TASP1: variants seen among roughly 807,000 people sequenced by gnomAD.
TASP1 encodes the protein threonine aspartase 1.
In TASP1, 16 loss-of-function variants were observed where a neutral mutation model predicts 56.6. The observed-to-expected ratio is 0.28, with a 90% CI of 0.19 to 0.43. TASP1 has a LOEUF of 0.43. TASP1 is among the 20% of genes least tolerant of loss of function. The probability of loss-of-function intolerance (pLI) is 1.00; values close to 1 mark genes in which losing one functional copy is unlikely to be tolerated. For missense variants in TASP1, 393 were observed against 511.6 expected (o/e 0.77, Z 2.24); for synonymous variants, 179 against 184.2 (o/e 0.97, Z 0.23).
At chr20:13,335,512 T>TC in the TASP1 span, among the ~76,000 whole-genome samples, 1 of 152,134 alleles carries the variant, frequency 6.6e-6, no homozygotes, top group African/African-American at 2.4e-5. Flanking sequence ...CATAGTGTCT[T>TC]ACTCTTGAAT....
At chr20:13,557,751 T>G (rs1417273444) in intron 8 of TASP1, among the ~76,000 whole-genome samples, 1 of 151,628 alleles carries the variant, frequency 6.6e-6, no homozygotes, top group African/African-American at 2.4e-5. Flanking sequence ...CAGCTAAATT[T>G]TTGTACAGAT....
At chr20:13,183,751 C>T in the TASP1 span, among the ~76,000 whole-genome samples, 3,129 of 152,108 alleles carry the variant, frequency 0.021, 55 homozygotes, top group Non-Finnish European at 0.03. Context: ...AATAGTGGAC[C>T]GGGCGTGGTG....
rs2045074575 is a variant in TASP1, at chr20:13,528,341, A to G, written c.874+92T>C. 4.6e-6 allele frequency: 5 copies of G among 1,093,118 alleles called. No individual in the cohort carries two copies. The Admixed American group carries it at 8.9e-5, about 19-fold the overall frequency. 67.7% of individuals were successfully genotyped at this position (1,093,118 alleles called of 1,614,324 possible). A position where few individuals can be genotyped will look rare whatever the true frequency, so the allele number is the denominator to read the frequency against. On this transcript the variant is annotated intron_variant, in intron 10 of 13. Coordinates refer to ENST00000337743, the MANE Select transcript of TASP1 (RefSeq NM_017714.3). ...CCACATCCATACACTGTCATAGCAC[A>G]TGTTCTATGTTTACCCACAAATATT...
the TASP1 span, chr20:13,299,444 G>T: frequency 6.2e-7 from 1 of 1,601,038 alleles, no homozygotes; most frequent in Non-Finnish European, 8.5e-7. The surrounding 1 kb of genome is among the most constrained non-coding windows in gnomAD (Gnocchi z 5.8). Flanking sequence ...AGTTCCAAGA[G>T]GCCAGGGAAT....
At chr20:13,124,906 G>A in the TASP1 span, among the ~76,000 whole-genome samples, 1 of 152,142 alleles carries the variant, frequency 6.6e-6, no homozygotes, top group Admixed American at 6.5e-5. Context: ...ATTCCCAAGA[G>A]CTCTTTCCAA....
intron 5 of TASP1, among the ~76,000 whole-genome samples, chr20:13,586,174 C>CAAAA (rs35005769): frequency 1.9e-5 from 1 of 53,200 alleles, no homozygotes; most frequent in Non-Finnish European, 3.7e-5. Context: ...GACTCCATCT[C>CAAAA]AAAAAAAAAA....
chr20:13,361,037 G>C, the TASP1 span, among the ~76,000 whole-genome samples: 21 of 151,450 alleles, frequency 1.4e-4, no homozygotes, highest in African/African-American at 4.1e-4. Context: ...CCTTTCCATC[G>C]TGGAAATCTA....
At chr20:13,255,254 G>T in the TASP1 span, among the ~76,000 whole-genome samples, 2 of 152,192 alleles carry the variant, frequency 1.3e-5, no homozygotes, top group Non-Finnish European at 2.9e-5. Flanking sequence ...CTAGGACAGT[G>T]GCAGAGGAAT....
chr20:13,611,139 C>T lies in TASP1; in HGVS notation c.282+12307G>A, dbSNP rs1003575937. ...ACAGCCATAAATATTATCCACAAAA[C>T]AGCAATTTTTCTTATGTTTTCCATT... On this transcript the variant is annotated intron_variant, in intron 4 of 13. Coordinates refer to ENST00000337743, the MANE Select transcript of TASP1 (RefSeq NM_017714.3). 2.0e-5 allele frequency among the ~76,000 whole-genome samples: 3 copies of T among 152,182 alleles called. 1 individual carries two copies. In the South Asian group the frequency reaches 6.2e-4, roughly 31 times the overall value.
At chr20:13,130,237 A>G in the TASP1 span, among the ~76,000 whole-genome samples, 1 of 152,194 alleles carries the variant, frequency 6.6e-6, no homozygotes, top group Non-Finnish European at 1.5e-5. Context: ...TTCTGCAGAG[A>G]TAGACTCACT....
At chr20:13,320,595 A>G in the TASP1 span, among the ~76,000 whole-genome samples, 1 of 152,212 alleles carries the variant, frequency 6.6e-6, no homozygotes, top group Non-Finnish European at 1.5e-5. Context: ...GAGAAAAACA[A>G]AGTAACCATG....
intron 11 of TASP1, among the ~76,000 whole-genome samples, chr20:13,476,070 G>C (rs1048962814): frequency 6.6e-6 from 1 of 152,128 alleles, no homozygotes; most frequent in Non-Finnish European, 1.5e-5. Flanking sequence ...AGTGTGCCGA[G>C]ATCACGCCAC....
the TASP1 span, among the ~76,000 whole-genome samples, chr20:13,275,821 T>A: frequency 1.3e-5 from 2 of 152,154 alleles, no homozygotes; most frequent in African/African-American, 4.8e-5. Context: ...TAATTGGGAA[T>A]CAGAAGAACT....
intron 12 of TASP1, among the ~76,000 whole-genome samples, chr20:13,430,576 G>T (rs1405760609): frequency 1.3e-5 from 2 of 152,216 alleles, no homozygotes; most frequent in Non-Finnish European, 2.9e-5. Context: ...TCAACAGAGA[G>T]CCCAAGGAGG....
intron 1 of TASP1, among the ~76,000 whole-genome samples, chr20:13,631,960 G>A (rs1343105752): frequency 6.6e-6 from 1 of 151,888 alleles, no homozygotes; most frequent in East Asian, 1.9e-4. Flanking sequence ...GGCTGAGGCA[G>A]AGAATTCCTT....
the TASP1 span, among the ~76,000 whole-genome samples, chr20:13,180,709 T>G: frequency 1.3e-5 from 2 of 152,178 alleles, no homozygotes; most frequent in African/African-American, 4.8e-5. Context: ...GTTCAGTCTG[T>G]CCTATCCCAA....
the TASP1 span, among the ~76,000 whole-genome samples, chr20:13,111,454 C>G: frequency 6.6e-6 from 1 of 152,148 alleles, no homozygotes; most frequent in Non-Finnish European, 1.5e-5. Context: ...GCCAAGCATC[C>G]TACGATGCAT....
the TASP1 span, chr20:13,288,615 G>A: frequency 5.1e-5 from 82 of 1,613,876 alleles, no homozygotes; most frequent in Non-Finnish European, 1.1e-5. Context: ...AACCAGAAAC[G>A]GACCCGGTCT....
chr20:13,586,195 A>C (rs1024930644), intron 5 of TASP1, among the ~76,000 whole-genome samples: 2 of 151,484 alleles, frequency 1.3e-5, no homozygotes, highest in African/African-American at 2.4e-5. Flanking sequence ...AAAAAAAAAA[A>C]ACAGAAGTAC....
Sources: allele counts gnomAD v4.1 joint callset (sites outside exome capture counted in the v4.1 genomes callset), GRCh38; gene constraint gnomAD v4.1.1; non-coding constraint Gnocchi (gnomAD v3.1); transcripts MANE v1.5; gene names NCBI Gene and HGNC (gene_info 2026-07-23, HGNC 2026-07-21).